The following RASGRF2 variants were observed in gnomAD, a reference collection of about 807,000 sequenced individuals.
RASGRF2 encodes Ras protein specific guanine nucleotide releasing factor 2.
Under a neutral mutation model 151.0 loss-of-function variants are expected in RASGRF2, and 76 were observed. The ratio of observed to expected loss-of-function variants is 0.50; its 90% CI spans 0.42 to 0.61. The LOEUF is 0.61. Among genes scored for constraint, RASGRF2 ranks in the 20% least tolerant of loss-of-function variants. The probability of loss-of-function intolerance (pLI) is 0.00; values close to 1 mark genes in which losing one functional copy is unlikely to be tolerated. For synonymous variants in RASGRF2, 504 were observed against 566.5 expected (o/e 0.89, Z 1.57); for missense variants, 1,148 against 1,564.6 (o/e 0.73, Z 4.49).
At chr5:80,974,163 T>C (rs1253734149) in intron 1 of RASGRF2, among the ~76,000 whole-genome samples, 1 of 152,170 alleles carries the variant, frequency 6.6e-6, no homozygotes, top group African/African-American at 2.4e-5. Context: ...CAGTCCTTAT[T>C]TGAGAGTATC....
chr5:81,172,322 G>A (rs1448284716), intron 17 of RASGRF2, among the ~76,000 whole-genome samples: 1 of 151,936 alleles, frequency 6.6e-6, no homozygotes, highest in Non-Finnish European at 1.5e-5. Flanking sequence ...TTTAATTACT[G>A]ATTTCCTTGA....
At chr5:81,131,519 T>G (rs145273309) in intron 17 of RASGRF2, among the ~76,000 whole-genome samples, 2,681 of 152,182 alleles carry the variant, frequency 0.018, 75 homozygotes, top group African/African-American at 0.061. Flanking sequence ...CATGCCCAGC[T>G]AATTTTTGTA....
chr5:81,164,168 T>G (rs1197146394), intron 17 of RASGRF2, among the ~76,000 whole-genome samples: 2 of 152,166 alleles, frequency 1.3e-5, no homozygotes, highest in Admixed American at 1.3e-4. Flanking sequence ...TTCAATGTAG[T>G]ATATTTCCTA....
chr5:81,112,576 G>T (rs200415437), intron 13 of RASGRF2, 34 bp from the exon 14 acceptor site: 4 of 1,611,336 alleles, frequency 2.5e-6, no homozygotes, highest in Admixed American at 3.3e-5. Context: ...GCCTCCTCCT[G>T]GTTTTACCAT....
In RASGRF2 at chr5:81,070,577, A is replaced by G. The variant is rs1056251948; in HGVS notation, c.629A>G (p.Lys210Arg). ...EDEDPDIKKI[K>R]KVQSFMRGWL... ...GAAGATCCAGACATCAAGAAGATTA[A>G]AAAGGTAGGGCCTGGAGGTTTCCAG... Residue 210 changes from lysine to arginine, a missense_variant, in exon 4 of 27, where the codon AAA becomes AGA. Lys to Arg is a conservative substitution (Grantham distance 26, BLOSUM62 2). Transcript: ENST00000265080. 2.5e-6 allele frequency: 4 copies of G among 1,603,146 alleles called. No homozygotes were observed. Among genetic ancestry groups the G allele is most frequent in the Non-Finnish European group, 3.4e-6 (4 of 1,170,084 alleles).
chr5:81,006,470 T>G (rs1561550381), intron 1 of RASGRF2, among the ~76,000 whole-genome samples: 1 of 152,232 alleles, frequency 6.6e-6, no homozygotes, highest in Non-Finnish European at 1.5e-5. Context: ...GAATAGTCAG[T>G]AGAAAGCTTC....
At chr5:81,037,755 A>T (rs1750548921) in intron 1 of RASGRF2, among the ~76,000 whole-genome samples, 1 of 152,208 alleles carries the variant, frequency 6.6e-6, no homozygotes, top group South Asian at 2.1e-4. Flanking sequence ...TTTGAAGATT[A>T]AAAAAAGTCA....
intron 12 of RASGRF2, among the ~76,000 whole-genome samples, chr5:81,101,025 A>C (rs1167190939): frequency 2.6e-5 from 4 of 152,166 alleles, no homozygotes; most frequent in Admixed American, 2.6e-4. Flanking sequence ...CTTCAAAATC[A>C]CTTGGGGCTT....
At chr5:81,153,845 AT>A (rs1225500800) in intron 17 of RASGRF2, among the ~76,000 whole-genome samples, 3 of 152,134 alleles carry the variant, frequency 2.0e-5, no homozygotes, top group Middle Eastern at 3.4e-3. Context: ...ACACAAATAA[AT>A]TGAAAGTAAA....
chr5:81,073,386 G>A lies in RASGRF2; in HGVS notation c.821G>A (p.Arg274His), dbSNP rs778313078. ...GTCAATGGCTTTCTCCGGCCCCTGC[G>A]TATGGCCGCCAGCTCCAAGAAGCCC... ...ILVNGFLRPL[R>H]MAASSKKPPI... The change falls in exon 5 of 27, where the codon CGT becomes CAT. Residue 274 changes from arginine (R) to histidine (H), a missense_variant. By Grantham distance (29) the Arg-to-His change is conservative. Around this residue, in one of 5 missense-constraint regions of RASGRF2, gnomAD observed 176 missense variants for 309.6 expected, o/e 0.57. Coordinates refer to ENST00000265080, the MANE Select transcript of RASGRF2 (RefSeq NM_006909.3). 2.5e-5 allele frequency: 40 copies of A among 1,614,016 alleles called. No homozygotes were observed. The highest frequency in any genetic ancestry group is 1.8e-4 in the East Asian group (8 of 44,892).
chr5:81,190,312 G>A (rs1349791575), intron 18 of RASGRF2, among the ~76,000 whole-genome samples: 2 of 152,064 alleles, frequency 1.3e-5, no homozygotes, highest in East Asian at 1.9e-4. Context: ...TTTACTGACC[G>A]CTGCCCTCTC....
intron 15 of RASGRF2, among the ~76,000 whole-genome samples, chr5:81,115,478 T>C (rs1156435922): frequency 1.3e-5 from 2 of 152,138 alleles, no homozygotes; most frequent in Non-Finnish European, 2.9e-5. Flanking sequence ...ATGACTGGAA[T>C]GGGGCATGGG....
At chr5:81,197,024 G>A (rs1004742085) in intron 18 of RASGRF2, among the ~76,000 whole-genome samples, 3 of 152,124 alleles carry the variant, frequency 2.0e-5, no homozygotes, top group Non-Finnish European at 2.9e-5. Flanking sequence ...TAGCAAAAAG[G>A]TGTTTGGCAA....
intron 2 of RASGRF2, among the ~76,000 whole-genome samples, chr5:81,060,144 A>G (rs1320018352): frequency 6.6e-6 from 1 of 152,106 alleles, no homozygotes; most frequent in Non-Finnish European, 1.5e-5. Context: ...ATCTGTCCCC[A>G]TGATCCACAC....
intron 1 of RASGRF2, among the ~76,000 whole-genome samples, chr5:81,023,200 A>T (rs550026504): frequency 6.6e-6 from 1 of 152,342 alleles, no homozygotes; most frequent in African/African-American, 2.4e-5. Context: ...TGCCTGGAGA[A>T]ATAGATTTGG....
intron 12 of RASGRF2, among the ~76,000 whole-genome samples, chr5:81,107,693 T>C (rs535511658): frequency 1.2e-4 from 19 of 152,240 alleles, no homozygotes; most frequent in Non-Finnish European, 2.5e-4. Flanking sequence ...TGTCTTATTA[T>C]ATGTGTTTTT....
intron 17 of RASGRF2, among the ~76,000 whole-genome samples, chr5:81,140,250 T>C (rs1211068403): frequency 6.6e-6 from 1 of 152,208 alleles, no homozygotes; most frequent in Non-Finnish European, 1.5e-5. Flanking sequence ...TTTCACACCA[T>C]TCTTCAACAG....
rs1206976272 is a variant in RASGRF2, at chr5:81,230,037, GTTAC to G, written c.*4270_*4273del. On this transcript the variant is annotated 3_prime_UTR_variant, in exon 27 of 27. Transcript: ENST00000265080. ...TTGAGAAGCATATCGTTCGTGTCCA[GTTAC>G]TTTGCAAATTTGTGGACATTTGTGA... is the stretch of plus-strand genomic sequence containing the variant. The G allele has an allele frequency of 6.6e-6, 1 of 152,204 alleles. No homozygotes were observed. The highest frequency in any genetic ancestry group is 2.4e-5 in the African/African-American group (1 of 41,446). 9.4% of individuals were successfully genotyped at this position (152,204 alleles called of 1,614,324 possible). A position where few individuals can be genotyped will look rare whatever the true frequency, so the allele number is the denominator to read the frequency against.
At chr5:81,073,644 A>G (rs1751849450) in intron 5 of RASGRF2, among the ~76,000 whole-genome samples, 192 bp downstream of exon 5, 1 of 151,398 alleles carries the variant, frequency 6.6e-6, no homozygotes, top group African/African-American at 2.4e-5. Context: ...TTTGAGATGG[A>G]GTCTTGCTCT....
Sources: gnomAD v4.1 joint callset for allele counts (sites outside exome capture counted in the v4.1 genomes callset) on GRCh38, gnomAD v4.1.1 for gene constraint, gnomAD v4.1.1 regional missense constraint, MANE v1.5 for transcripts, NCBI Gene and HGNC (gene_info 2026-07-23, HGNC 2026-07-21) for gene names.